Variants in CHRM3 observed in about 807,000 individuals in gnomAD.
CHRM3 encodes muscarinic acetylcholine receptor M3.
Under a neutral mutation model 41.8 loss-of-function variants are expected in CHRM3, and 11 were observed. The observed-to-expected ratio is 0.26, with a 90% CI of 0.17 to 0.44. The LOEUF is 0.44. CHRM3 is among the 20% of genes least tolerant of loss of function. The pLI, the probability that CHRM3 is intolerant of heterozygous loss-of-function variation, is 1.00. For synonymous variants in CHRM3, 297 were observed against 301.4 expected (o/e 0.99, Z 0.15); for missense variants, 571 against 745.4 (o/e 0.77, Z 2.72).
At chr1:239,424,483 A>C (rs1662216353) in intron 1 of CHRM3, among the ~76,000 whole-genome samples, 1 of 152,230 alleles carries the variant, frequency 6.6e-6, no homozygotes, top group African/African-American at 2.4e-5. Context: ...TCATTCATTC[A>C]ACAAACACTT....
intron 4 of CHRM3, among the ~76,000 whole-genome samples, chr1:239,650,863 A>G (rs995438308): frequency 6.6e-6 from 1 of 152,242 alleles, no homozygotes; most frequent in Non-Finnish European, 1.5e-5. Context: ...AATGTATTCA[A>G]TTATATAAAA....
At chr1:239,512,491 A>G (rs374784203) in intron 2 of CHRM3, among the ~76,000 whole-genome samples, 2 of 152,224 alleles carry the variant, frequency 1.3e-5, no homozygotes, top group East Asian at 3.9e-4. Flanking sequence ...TGATGACTCT[A>G]CCACTGTTTG....
chr1:239,658,715 C>G (rs1672931473), intron 4 of CHRM3, among the ~76,000 whole-genome samples: 1 of 151,986 alleles, frequency 6.6e-6, no homozygotes, highest in East Asian at 1.9e-4. Flanking sequence ...AACATCCTCT[C>G]ATAGCTTCTT....
rs549790708 is a variant in CHRM3, at chr1:239,430,272, C to T, written c.-521+43045C>T. Among the ~76,000 whole-genome samples the T allele has an allele frequency of 3.3e-5, 5 of 152,142 alleles. No individual in the cohort carries two copies. The South Asian group carries it at 1.0e-3, about 32-fold the overall frequency. On this transcript the variant is annotated intron_variant, in intron 1 of 6. Coordinates refer to ENST00000676153, the MANE Select transcript of CHRM3 (RefSeq NM_001375978.1). ...TGAGCCACCACACCCAGCCCCCAGA[C>T]AATCTTTTAAATATTTTTGCACTGT...
intron 5 of CHRM3, among the ~76,000 whole-genome samples, chr1:239,801,429 A>G (rs1020728288): frequency 2.0e-5 from 3 of 152,184 alleles, no homozygotes; most frequent in East Asian, 3.9e-4. Flanking sequence ...AGGTTGATGC[A>G]ATTGGGCAGC....
chr1:239,455,751 C>T (rs1204084724), intron 1 of CHRM3, among the ~76,000 whole-genome samples: 1 of 151,980 alleles, frequency 6.6e-6, no homozygotes, highest in Non-Finnish European at 1.5e-5. Context: ...AAAAATGTTA[C>T]AATAAGCTAA....
At chr1:239,425,512 C>T (rs1339090214) in intron 1 of CHRM3, among the ~76,000 whole-genome samples, 9 of 152,120 alleles carry the variant, frequency 5.9e-5, no homozygotes, top group Non-Finnish European at 1.2e-4. Flanking sequence ...CTCATCCTTT[C>T]CCCATTTGAA....
chr1:239,744,450 T>G (rs1369162635), intron 5 of CHRM3, among the ~76,000 whole-genome samples: 1 of 152,088 alleles, frequency 6.6e-6, no homozygotes. Flanking sequence ...AGGTGATGGT[T>G]GAGCAACAAC....
Position 239,892,217 on chromosome 1 carries a change from G to A in CHRM3, c.-19-15216G>A, listed in dbSNP as rs1678612915. Among the ~76,000 whole-genome samples, 3 of 152,070 alleles carry A rather than the reference G, an allele frequency of 2.0e-5. 1 individual carries two copies. In the South Asian group the frequency reaches 6.2e-4, roughly 32 times the overall value. ...TGACATGAGCTTTAGTTTCCATTTGGTTTCAGGAAATTCAAAACAAGAGAT... is the reference window on the plus strand; with the variant it reads ...TGACATGAGCTTTAGTTTCCATTTGATTTCAGGAAATTCAAAACAAGAGAT... On this transcript the variant is annotated intron_variant, in intron 6 of 6. Coordinates refer to ENST00000676153, the MANE Select transcript of CHRM3 (RefSeq NM_001375978.1).
At chr1:239,434,530 C>T (rs1293224137) in intron 1 of CHRM3, among the ~76,000 whole-genome samples, 4 of 152,088 alleles carry the variant, frequency 2.6e-5, no homozygotes, top group South Asian at 2.1e-4. Flanking sequence ...ATATGATAAC[C>T]GTGTTGGTTT....
chr1:239,455,102 A>T (rs1664828387), intron 1 of CHRM3, among the ~76,000 whole-genome samples: 1 of 152,134 alleles, frequency 6.6e-6, no homozygotes, highest in Non-Finnish European at 1.5e-5. Flanking sequence ...TTTGAGACGG[A>T]GCACAATGGC....
chr1:239,679,449 G>A (rs1658344059), intron 5 of CHRM3, among the ~76,000 whole-genome samples: 2 of 152,052 alleles, frequency 1.3e-5, no homozygotes, highest in Non-Finnish European at 2.9e-5. Context: ...CTTGGGAAGT[G>A]CGTTATTATT....
chr1:239,678,851 AT>A (rs1466378152), intron 5 of CHRM3, among the ~76,000 whole-genome samples: 4 of 152,216 alleles, frequency 2.6e-5, no homozygotes, highest in Admixed American at 6.5e-5. Flanking sequence ...TAAATATTAC[AT>A]AAAAACAAAA....
At chr1:239,618,415 A>G (rs1667899538) in intron 3 of CHRM3, among the ~76,000 whole-genome samples, 1 of 150,960 alleles carries the variant, frequency 6.6e-6, no homozygotes, top group Admixed American at 6.6e-5. Flanking sequence ...AGAGAAGCTC[A>G]GGCCTCATCT....
intron 3 of CHRM3, among the ~76,000 whole-genome samples, chr1:239,615,848 G>T (rs1268905178): frequency 6.6e-6 from 1 of 152,132 alleles, no homozygotes; most frequent in Non-Finnish European, 1.5e-5. Context: ...ACTTGGTTCA[G>T]CCAGGGTACT....
chr1:239,389,311 A>G (rs1053686690), intron 1 of CHRM3, among the ~76,000 whole-genome samples: 1 of 152,210 alleles, frequency 6.6e-6, no homozygotes, highest in East Asian at 1.9e-4. Context: ...AGTTTGCTTT[A>G]AAATTTAGAG....
At chr1:239,602,502 T>C (rs913107910) in intron 3 of CHRM3, among the ~76,000 whole-genome samples, 3 of 152,172 alleles carry the variant, frequency 2.0e-5, no homozygotes, top group African/African-American at 4.8e-5. Context: ...AAATGTAGCA[T>C]TTTAAATAAC....
chr1:239,672,930 A>G (rs746510888), intron 4 of CHRM3, among the ~76,000 whole-genome samples: 3 of 152,072 alleles, frequency 2.0e-5, no homozygotes, highest in Non-Finnish European at 4.4e-5. Context: ...AGATGTTAGA[A>G]TGTACTGCCT....
At chr1:239,751,606 G>A (rs1665836117) in intron 5 of CHRM3, among the ~76,000 whole-genome samples, 1 of 152,050 alleles carries the variant, frequency 6.6e-6, no homozygotes, top group African/African-American at 2.4e-5. Context: ...TGGACCTCTA[G>A]GCTAACTGCT....
Sources: gnomAD v4.1 joint callset for allele counts (sites outside exome capture counted in the v4.1 genomes callset) on GRCh38, gnomAD v4.1.1 for gene constraint, MANE v1.5 for transcripts, NCBI Gene and HGNC (gene_info 2026-07-23, HGNC 2026-07-21) for gene names.